Variants in TLN2 observed in about 807,000 individuals in gnomAD.
TLN2 encodes the protein talin-2.
A neutral mutation model predicts 294.7 loss-of-function variants in TLN2; 118 were observed. The observed-to-expected ratio is 0.40, with a 90% confidence interval of 0.34 to 0.47. The LOEUF is 0.47. Among genes scored for constraint, TLN2 ranks in the 20% least tolerant of loss-of-function variants. TLN2 has a pLI of 0.84. For missense variants in TLN2, 3,083 were observed against 3,282.2 expected (o/e 0.94, Z 1.48); for synonymous variants, 1,431 against 1,304.5 (o/e 1.10, Z -2.09).
At chr15:62,728,324 A>G (rs1053605490) in intron 28 of TLN2, among the ~76,000 whole-genome samples, 3 of 152,198 alleles carry the variant, frequency 2.0e-5, no homozygotes, top group East Asian at 1.9e-4. Context: ...CATTTCCATT[A>G]TCTCTATGGT....
intron 49 of TLN2, 34 bp from the exon 50 acceptor site, chr15:62,800,617 CTG>C (rs777375293): frequency 6.2e-7 from 1 of 1,612,380 alleles, no homozygotes; most frequent in Non-Finnish European, 8.5e-7. Flanking sequence ...ACCTGAGTCA[CTG>C]CACTATCTGT....
intron 2 of TLN2, among the ~76,000 whole-genome samples, chr15:62,610,027 C>T (rs1192977962): frequency 6.6e-6 from 1 of 152,172 alleles, no homozygotes; most frequent in Non-Finnish European, 1.5e-5. Flanking sequence ...ATAATAAGAC[C>T]TACCAGACTC....
At chr15:62,712,114 C>G in intron 22 of TLN2, 37 bp downstream of exon 22, 1 of 1,597,626 alleles carries the variant, frequency 6.3e-7, no homozygotes, top group Non-Finnish European at 8.6e-7. Context: ...AAAGTGAACA[C>G]TATTAAGTGT....
chr15:62,582,241 CACACA>C (rs2045163910), intron 1 of TLN2, among the ~76,000 whole-genome samples: 2 of 146,504 alleles, frequency 1.4e-5, no homozygotes, highest in African/African-American at 5.1e-5. Context: ...CACACACACA[CACACA>C]CATTCATGCC....
rs780892222 is a variant in TLN2 at position 62,736,952 on chromosome 15, A to C, written c.3433A>C (p.Thr1145Pro). ...QAARGVAAST[T>P]DPAAAHAMLD... ...CGCCCGTGGAGTGGCTGCATCGACAACCGACCCCGCGGCCGCCCATGCCAT... is the reference window on the plus strand; with the variant it reads ...CGCCCGTGGAGTGGCTGCATCGACACCCGACCCCGCGGCCGCCCATGCCAT... Residue 1145 changes from threonine (T) to proline (P), a missense_variant, in exon 29 of 59, where the codon ACC becomes CCC. By Grantham distance (38) the Thr-to-Pro change is conservative. Transcript: ENST00000636159. 6.2e-7 allele frequency: 1 copy of C among 1,614,164 alleles called. No individual in the cohort carries two copies. Among genetic ancestry groups the C allele is most frequent in the East Asian group, 2.2e-5 (1 of 44,866 alleles).
intron 1 of TLN2, among the ~76,000 whole-genome samples, chr15:62,523,422 A>C (rs1165005591): frequency 6.6e-6 from 1 of 152,214 alleles, no homozygotes; most frequent in East Asian, 1.9e-4. Context: ...GAGGGCTTTA[A>C]TTCTATGCTA....
At chr15:62,783,647 C>G (rs1167226388) in intron 44 of TLN2, 124 bp from the exon 45 acceptor site, 6 of 1,449,182 alleles carry the variant, frequency 4.1e-6, no homozygotes, top group South Asian at 2.9e-5. Flanking sequence ...GCCTTCACCC[C>G]CTCAGGAGCT....
chr15:62,563,064 A>T (rs1337489797), intron 1 of TLN2, among the ~76,000 whole-genome samples: 1 of 151,880 alleles, frequency 6.6e-6, no homozygotes, highest in African/African-American at 2.4e-5. Flanking sequence ...ATGCATGTAT[A>T]AGTATTTTTT....
chr15:62,511,122 A>G (rs2039912040), intron 1 of TLN2, among the ~76,000 whole-genome samples: 1 of 152,198 alleles, frequency 6.6e-6, no homozygotes, highest in South Asian at 2.1e-4. Context: ...CTGTGGTTGT[A>G]CTGTTTCAAG....
chr15:62,773,982 C>G (rs940557379), intron 42 of TLN2, among the ~76,000 whole-genome samples: 4 of 152,138 alleles, frequency 2.6e-5, no homozygotes, highest in African/African-American at 9.7e-5. Context: ...CTGCGGTATT[C>G]TCTACCCCGC....
At chr15:62,667,551 G>A (rs1048021697) in intron 9 of TLN2, among the ~76,000 whole-genome samples, 1 of 152,094 alleles carries the variant, frequency 6.6e-6, no homozygotes, top group Non-Finnish European at 1.5e-5. Flanking sequence ...CAAATGAGGC[G>A]ACATCCCTTG....
chr15:62,424,362 C>T (rs370349441), intron 1 of TLN2, among the ~76,000 whole-genome samples: 3 of 152,164 alleles, frequency 2.0e-5, no homozygotes, highest in African/African-American at 4.8e-5. Flanking sequence ...AGGAATGAGA[C>T]GCGGAGTGGT....
intron 1 of TLN2, among the ~76,000 whole-genome samples, chr15:62,560,893 G>T (rs889768816): frequency 2.0e-5 from 3 of 152,260 alleles, no homozygotes; most frequent in African/African-American, 7.2e-5. Context: ...GCTGGAGCCA[G>T]GAGGCAACGA....
chr15:62,466,584 C>T (rs1183636049), intron 1 of TLN2, among the ~76,000 whole-genome samples: 2 of 152,174 alleles, frequency 1.3e-5, no homozygotes, highest in Non-Finnish European at 2.9e-5. Context: ...TTATGATGCC[C>T]CTGGGAATTT....
At chr15:62,796,772 G>T (rs1596028091) in intron 47 of TLN2, among the ~76,000 whole-genome samples, 1 of 152,310 alleles carries the variant, frequency 6.6e-6, no homozygotes, top group Non-Finnish European at 1.5e-5. Context: ...CAATCCAAGG[G>T]CTGGGCTAGG....
chr15:62,582,788 A>T (rs1337229494), intron 1 of TLN2, among the ~76,000 whole-genome samples: 2 of 152,088 alleles, frequency 1.3e-5, no homozygotes, highest in Non-Finnish European at 2.9e-5. Flanking sequence ...ACCTGATTTA[A>T]CCTGTTGGAG....
rs116211809 is a variant in TLN2 at position 62,410,916 on chromosome 15, T to G, written c.-238+20231T>G. Among the ~76,000 whole-genome samples, 1,305 of 152,294 alleles carry G rather than the reference T, an allele frequency of 8.6e-3. 26 individuals carry two copies. Among genetic ancestry groups the G allele is most frequent in the African/African-American group, 0.03 (1,237 of 41,552 alleles). On this transcript the variant is annotated intron_variant, in intron 1 of 58. Transcript: ENST00000636159. The stretch of plus-strand genomic sequence containing the variant: ...GCATTCTCCAACGCATAGTGTATCT[T>G]GTAAATTCGTGTTTTATAGTTTGGG...
intron 1 of TLN2, among the ~76,000 whole-genome samples, chr15:62,462,644 A>G (rs1306904575): frequency 2.0e-5 from 3 of 152,158 alleles, no homozygotes; most frequent in African/African-American, 4.8e-5. Flanking sequence ...AGGTAGTGCT[A>G]TAGGCTGAAT....
At chr15:62,825,152 G>A (rs781340205) in intron 54 of TLN2, among the ~76,000 whole-genome samples, 4 of 152,194 alleles carry the variant, frequency 2.6e-5, no homozygotes, top group Non-Finnish European at 5.9e-5. Context: ...ATCTGTGTGT[G>A]TTGGCAGGTG....
Sources: allele counts gnomAD v4.1 joint callset (sites outside exome capture counted in the v4.1 genomes callset), GRCh38; gene constraint gnomAD v4.1.1; transcripts MANE v1.5; gene names NCBI Gene and HGNC (gene_info 2026-07-23, HGNC 2026-07-21).